Variants in ESRRB observed in about 807,000 individuals in gnomAD.
The protein encoded by ESRRB is estrogen related receptor beta.
Under a neutral mutation model 46.0 loss-of-function variants are expected in ESRRB, and 16 were observed. That is an observed-to-expected ratio of 0.35 (90% CI 0.24 to 0.53). The LOEUF (loss-of-function observed/expected upper bound fraction) is 0.53. Among genes scored for constraint, ESRRB ranks in the 20% least tolerant of loss-of-function variants. ESRRB has a pLI of 0.93. For missense variants in ESRRB, 488 were observed against 607.4 expected, an observed-to-expected ratio of 0.80 and a Z score of 2.07; for synonymous variants, 246 against 259.6, an observed-to-expected ratio of 0.95 and a Z score of 0.50.
rs1051775134 is a variant in ESRRB, at chr14:76,462,474, C to T, written c.461-71C>T. The T allele has an allele frequency of 2.6e-6, 3 of 1,173,574 alleles. No individual in the cohort carries two copies. The African/African-American group carries it at 4.5e-5, about 18-fold the overall frequency. 72.7% of individuals were successfully genotyped at this position (1,173,574 alleles called of 1,614,324 possible). ...CTGGCAAATTAAAATCCCCATCCAG[C>T]CAGCCCTGCGCTGGCAGGTGGGGGC... On this transcript the variant is annotated intron_variant, in intron 2 of 6. Coordinates refer to ENST00000644823, the MANE Select transcript of ESRRB (RefSeq NM_001379180.1).
intron 2 of ESRRB, among the ~76,000 whole-genome samples, chr14:76,445,236 A>G (rs1164092029): frequency 2.0e-5 from 3 of 151,072 alleles, no homozygotes; most frequent in Non-Finnish European, 2.9e-5. Context: ...TTGGGAGGCC[A>G]AGGCAGGTGG....
At chr14:76,363,958 G>A (rs1884493692) in intron 1 of ESRRB, among the ~76,000 whole-genome samples, 1 of 152,172 alleles carries the variant, frequency 6.6e-6, no homozygotes, top group Non-Finnish European at 1.5e-5. Context: ...TAAAAGGAGT[G>A]ATGACACCCA....
chr14:76,476,262 G>A (rs1329043483), intron 3 of ESRRB, among the ~76,000 whole-genome samples: 6 of 152,044 alleles, frequency 3.9e-5, no homozygotes, highest in African/African-American at 1.2e-4. Flanking sequence ...GGGATTAAAC[G>A]GTGTTAATGG....
intron 1 of ESRRB, among the ~76,000 whole-genome samples, chr14:76,329,821 G>A (rs202246875): frequency 1.3e-5 from 2 of 152,312 alleles, no homozygotes; most frequent in South Asian, 2.1e-4. Flanking sequence ...AGCACAAAGC[G>A]GCCCCAAAAG....
chr14:76,359,425 C>T (rs999745148), intron 1 of ESRRB, among the ~76,000 whole-genome samples: 1 of 152,214 alleles, frequency 6.6e-6, no homozygotes, highest in African/African-American at 2.4e-5. Flanking sequence ...TGAGCAATTA[C>T]TCTATGCCAG....
At chr14:76,469,557 AT>A (rs1004011482) in intron 3 of ESRRB, among the ~76,000 whole-genome samples, 10 of 152,064 alleles carry the variant, frequency 6.6e-5, no homozygotes, top group East Asian at 1.9e-4. Flanking sequence ...TGTTAAAAAA[AT>A]TTTTTTTCAC....
rs958015455 is a variant in ESRRB, at chr14:76,500,513, G to A, written c.*2055G>A. ...AGGCTCTGCCCTGAGGTTCTGCTCCGGAGAAACCTTCACAGTAGAGACCTT... is the reference window on the plus strand; with the variant it reads ...AGGCTCTGCCCTGAGGTTCTGCTCCAGAGAAACCTTCACAGTAGAGACCTT... On this transcript the variant is annotated 3_prime_UTR_variant, in exon 7 of 7. Coordinates refer to ENST00000644823, the MANE Select transcript of ESRRB (RefSeq NM_001379180.1). 3.0e-5 allele frequency: 20 copies of A among 657,256 alleles called. No homozygotes were observed. The highest frequency in any genetic ancestry group is 1.3e-4 in the East Asian group (5 of 37,338). The allele number at this position is 657,256 out of a possible 1,614,324, so 40.7% of individuals were successfully genotyped here. A position where few individuals can be genotyped will look rare whatever the true frequency, so the allele number is the denominator to read the frequency against.
At chr14:76,315,688 G>C (rs969373509) in intron 1 of ESRRB, among the ~76,000 whole-genome samples, 6 of 152,164 alleles carry the variant, frequency 3.9e-5, no homozygotes, top group Non-Finnish European at 7.3e-5. Flanking sequence ...TTAAAGACAG[G>C]CTCCCACACC....
At chr14:76,394,521 G>C (rs1174779967) in intron 1 of ESRRB, among the ~76,000 whole-genome samples, 1 of 152,176 alleles carries the variant, frequency 6.6e-6, no homozygotes, top group Admixed American at 6.5e-5. Flanking sequence ...GCAGCCTTGT[G>C]GGGGCTGGGA....
At position 76,439,838 on chromosome 14, in the gene ESRRB, G is replaced by C. The variant is rs931917294; in HGVS notation, c.460+88G>C. 2.1e-6 allele frequency: 3 copies of C among 1,445,908 alleles called. No homozygotes were observed. The African/African-American group carries it at 4.2e-5, about 20-fold the overall frequency. The allele number at this position is 1,445,908 out of a possible 1,614,324, so 89.6% of individuals were successfully genotyped here. A position where few individuals can be genotyped will look rare whatever the true frequency, so the allele number is the denominator to read the frequency against. On this transcript the variant is annotated intron_variant, in intron 2 of 6. Coordinates refer to ENST00000644823, the MANE Select transcript of ESRRB (RefSeq NM_001379180.1). ...CTGGCAGAAGCCCTAGGAATTCCCA[G>C]AGACTGCCAATTCTGGGCGCTGTTG... is the stretch of plus-strand genomic sequence containing the variant.
At chr14:76,426,664 G>C (rs1887214765) in intron 1 of ESRRB, among the ~76,000 whole-genome samples, 1 of 152,076 alleles carries the variant, frequency 6.6e-6, no homozygotes, top group Non-Finnish European at 1.5e-5. Context: ...TTGAGGACAG[G>C]GACCCATTCA....
chr14:76,351,015 G>T (rs1476983464), intron 1 of ESRRB, among the ~76,000 whole-genome samples: 1 of 152,170 alleles, frequency 6.6e-6, no homozygotes, highest in Non-Finnish European at 1.5e-5. Context: ...TATTCAGTCA[G>T]GTAGAGGATG....
chr14:76,363,209 A>G (rs1253594399), intron 1 of ESRRB, among the ~76,000 whole-genome samples: 1 of 152,246 alleles, frequency 6.6e-6, no homozygotes, highest in Non-Finnish European at 1.5e-5. Context: ...TCAAACTGGA[A>G]GAGGAAGGAA....
intron 2 of ESRRB, among the ~76,000 whole-genome samples, chr14:76,443,656 C>T (rs929980246): frequency 2.0e-5 from 3 of 151,358 alleles, no homozygotes; most frequent in African/African-American, 7.3e-5. Flanking sequence ...TTTCTTCTCA[C>T]CATGTTGTTC....
intron 2 of ESRRB, among the ~76,000 whole-genome samples, chr14:76,445,466 C>CAAA (rs747627410): frequency 3.0e-4 from 24 of 79,766 alleles, no homozygotes; most frequent in South Asian, 9.1e-4. Flanking sequence ...AACTCCGTCT[C>CAAA]AAAAAAAAAA....
intron 3 of ESRRB, among the ~76,000 whole-genome samples, chr14:76,476,204 A>G (rs12436385): frequency 0.2 from 29,727 of 151,834 alleles, 3,482 homozygotes; most frequent in Middle Eastern, 0.3. Context: ...ATTTTTTTCT[A>G]TTCATGGAGC....
At chr14:76,426,406 C>T (rs1028964593) in intron 1 of ESRRB, among the ~76,000 whole-genome samples, 2 of 152,218 alleles carry the variant, frequency 1.3e-5, no homozygotes, top group African/African-American at 4.8e-5. Context: ...GAAATGTAGT[C>T]CTCCTGGTGT....
intron 1 of ESRRB, among the ~76,000 whole-genome samples, chr14:76,323,246 T>C (rs1458673599): frequency 1.3e-5 from 2 of 152,160 alleles, no homozygotes; most frequent in African/African-American, 4.8e-5. Context: ...GGACATTTTT[T>C]TTCTATCTTG....
upstream of ESRRB, among the ~76,000 whole-genome samples, chr14:76,367,046 G>A (rs1194887035): frequency 6.6e-6 from 1 of 152,140 alleles, no homozygotes; most frequent in Non-Finnish European, 1.5e-5. Flanking sequence ...AGCCCTGGTC[G>A]TCTAGAAAAC....
Sources: allele counts gnomAD v4.1 joint callset (sites outside exome capture counted in the v4.1 genomes callset), GRCh38; gene constraint gnomAD v4.1.1; transcripts MANE v1.5; gene names NCBI Gene and HGNC (gene_info 2026-07-23, HGNC 2026-07-21).